SMC5: variants seen among roughly 807,000 people sequenced by gnomAD.
SMC5 encodes the protein structural maintenance of chromosomes protein 5.
In SMC5, 88 loss-of-function variants were observed where a neutral mutation model predicts 148.3. That is an observed-to-expected ratio of 0.59 (90% CI 0.50 to 0.71). The LOEUF (loss-of-function observed/expected upper bound fraction) is 0.71, where lower values mean the gene tolerates loss of function less well. Among genes scored for constraint, SMC5 ranks in the 30% least tolerant of loss-of-function variants. The pLI is 0.00. For synonymous variants in SMC5, 421 were observed against 432.8 expected, an observed-to-expected ratio of 0.97 and a Z score of 0.34; for missense variants, 1,142 against 1,298.9, an observed-to-expected ratio of 0.88 and a Z score of 1.86.
chr9:70,350,202 G>A lies in SMC5; in HGVS notation c.2978G>A (p.Gly993Glu). ...GAATTAACTCCTCATCATCAAAGTG[G>A]AGGTGAAAGAAGTGTTTCTACCATG... ...LHELTPHHQSGGERSVSTMLY... is the reference protein window; with the variant it reads ...LHELTPHHQSEGERSVSTMLY... Residue 993 changes from glycine (G) to glutamate (E), a missense_variant, in exon 23 of 25, where the codon GGA becomes GAA. This residue lies in a region of SMC5 where 743 missense variants were observed against 835.7 expected (regional missense o/e 0.89). Transcript: ENST00000361138. 6.2e-7 allele frequency: 1 copy of A among 1,613,608 alleles called. No individual in the cohort carries two copies.
chr9:70,280,346 A>G (rs1220956214), intron 5 of SMC5, among the ~76,000 whole-genome samples: 1 of 152,172 alleles, frequency 6.6e-6, no homozygotes, highest in African/African-American at 2.4e-5. Flanking sequence ...ATGAGTGTTC[A>G]TTTAACATCC....
chr9:70,290,146 T>C (rs1308656012), intron 8 of SMC5, among the ~76,000 whole-genome samples: 1 of 152,176 alleles, frequency 6.6e-6, no homozygotes, highest in East Asian at 1.9e-4. Flanking sequence ...AGCCTGTGTT[T>C]AGATATAATG....
chr9:70,347,064 A>T lies in SMC5; in HGVS notation c.2569-2A>T. 2 of 1,610,056 alleles carry T rather than the reference A, an allele frequency of 1.2e-6. No individual in the cohort carries two copies. Among genetic ancestry groups the T allele is most frequent in the South Asian group, 1.1e-5 (1 of 90,452 alleles). ...TATAATGACGGGCAATTTTTTTCTT[A>T]GGTTTTCCAAGACCTTCCAAACACA... On this transcript the variant is annotated splice_acceptor_variant, in intron 19 of 24. Transcript: ENST00000361138. LOFTEE classifies it high-confidence loss of function.
At chr9:70,306,581 A>T (rs1450878907) in intron 11 of SMC5, among the ~76,000 whole-genome samples, 1 of 152,222 alleles carries the variant, frequency 6.6e-6, no homozygotes, top group Non-Finnish European at 1.5e-5. Context: ...GTCTTTTAAG[A>T]CATGATACAT....
chr9:70,314,094 T>C (rs2035731405), intron 11 of SMC5, among the ~76,000 whole-genome samples: 1 of 152,168 alleles, frequency 6.6e-6, no homozygotes, highest in African/African-American at 2.4e-5. Flanking sequence ...TATGCAGATT[T>C]TGAGGCTTCT....
At chr9:70,320,802 T>G (rs925504239) in intron 15 of SMC5, among the ~76,000 whole-genome samples, 3 of 152,206 alleles carry the variant, frequency 2.0e-5, no homozygotes, top group African/African-American at 7.2e-5. Flanking sequence ...ATTTTACTGC[T>G]TCATCAAGGA....
At position 70,279,821 on chromosome 9, in the gene SMC5, A is replaced by C. The variant is rs1171861075; in HGVS notation, c.679-938A>C. On this transcript the variant is annotated intron_variant, in intron 5 of 24. Transcript: ENST00000361138. ...AACAAGAGCAAAACTCCGTTTCAAA[A>C]AAAAAAAAAAAAAAAAAGGAAATCT... Among the ~76,000 whole-genome samples, 7 of 149,934 alleles carry C rather than the reference A, an allele frequency of 4.7e-5. No individual in the cohort carries two copies. In the South Asian group the frequency reaches 1.5e-3, roughly 32 times the overall value.
chr9:70,283,320 G>A (rs558162190), intron 7 of SMC5, among the ~76,000 whole-genome samples: 83 of 152,104 alleles, frequency 5.5e-4, no homozygotes, highest in Non-Finnish European at 1.0e-3. Context: ...AAAAAACTTA[G>A]CCAGGCATGG....
At chr9:70,323,360 C>G (rs2035995837) in intron 15 of SMC5, 123 bp from the exon 16 acceptor site, 1 of 882,050 alleles carries the variant, frequency 1.1e-6, no homozygotes, top group African/African-American at 1.7e-5. Context: ...CGGTTATGGG[C>G]CAGGCACTAT....
At chr9:70,331,115 A>G (rs908941644) in intron 17 of SMC5, among the ~76,000 whole-genome samples, 2 of 152,222 alleles carry the variant, frequency 1.3e-5, no homozygotes, top group Admixed American at 1.3e-4. Flanking sequence ...TTAGGTTCAC[A>G]TACCCAAGCT....
At chr9:70,298,566 G>A (rs1203274008) in intron 9 of SMC5, among the ~76,000 whole-genome samples, 1 of 151,968 alleles carries the variant, frequency 6.6e-6, no homozygotes, top group African/African-American at 2.4e-5. Flanking sequence ...TTAGTTCCTT[G>A]AAACCTGTCC....
rs768258324 is a variant in SMC5 at position 70,298,110 on chromosome 9, A to T, written c.1198A>T (p.Ile400Phe). The T allele has an allele frequency of 6.2e-7, 1 of 1,614,106 alleles. No homozygotes were observed. Among genetic ancestry groups the T allele is most frequent in the African/African-American group, 1.3e-5 (1 of 75,054 alleles). ...TENCENLQPQ[I>F]DAITNDLRRI... ...AAACTGCGAGAATCTTCAGCCCCAG[A>T]TTGATGCCATTACAAATGATCTGAG... The change falls in exon 9 of 25, where the codon ATT becomes TTT. Residue 400 changes from isoleucine to phenylalanine, a missense_variant. Around this residue, in one of 5 missense-constraint regions of SMC5, gnomAD observed 743 missense variants for 835.7 expected, o/e 0.89. Transcript: ENST00000361138.
In SMC5 at chr9:70,347,654, G is replaced by C. The variant is rs767335393; in HGVS notation, c.2706G>C (p.Gln902His). The C allele has an allele frequency of 6.9e-6, 11 of 1,585,934 alleles. No individual in the cohort carries two copies. Among genetic ancestry groups the C allele is most frequent in the African/African-American group, 1.4e-5 (1 of 73,372 alleles). Residue 902 changes from glutamine to histidine, a missense_variant, in exon 21 of 25, where the codon CAG becomes CAC. Gln to His is a conservative substitution (Grantham distance 24, BLOSUM62 0). This residue lies in a region of SMC5 where 743 missense variants were observed against 835.7 expected (regional missense o/e 0.89). Transcript: ENST00000361138. Reference sequence around the variant, plus strand: ...CAAAAAGAGAAGAAGAAATAGAACAGTTAACTGAGGAACTAAAGGGAAAGA... The same window carrying C: ...CAAAAAGAGAAGAAGAAATAGAACACTTAACTGAGGAACTAAAGGGAAAGA... Reference protein sequence around the residue: ...EYTKREEEIEQLTEELKGKKV... With the variant: ...EYTKREEEIEHLTEELKGKKV...
intron 2 of SMC5, 22 bp from the exon 3 acceptor site, chr9:70,267,901 C>G (rs1028096678): frequency 2.5e-6 from 4 of 1,601,376 alleles, no homozygotes; most frequent in African/African-American, 1.3e-5. Flanking sequence ...ACACAGCTCA[C>G]TTTTTCTTTT....
At chr9:70,299,664 C>T (rs530554034) in intron 9 of SMC5, among the ~76,000 whole-genome samples, 1 of 151,886 alleles carries the variant, frequency 6.6e-6, no homozygotes, top group African/African-American at 2.4e-5. Flanking sequence ...TCATCCCCCC[C>T]CCTTTTTTAG....
At chr9:70,278,443 TA>T (rs2034655384) in intron 4 of SMC5, 47 bp from the exon 5 acceptor site, 3 of 1,565,122 alleles carry the variant, frequency 1.9e-6, no homozygotes, top group Non-Finnish European at 2.6e-6. Flanking sequence ...ATTTTGAAGA[TA>T]TATGTAAATG....
intron 22 of SMC5, 26 bp downstream of exon 22, chr9:70,348,064 T>C: frequency 6.6e-7 from 1 of 1,516,332 alleles, no homozygotes; most frequent in Non-Finnish European, 8.8e-7. Context: ...AAATAAATAA[T>C]ATTTCTGGCA....
intron 8 of SMC5, among the ~76,000 whole-genome samples, chr9:70,286,570 G>GATTT (rs1252897169): frequency 6.6e-6 from 1 of 152,078 alleles, no homozygotes; most frequent in African/African-American, 2.4e-5. Context: ...AGGTCTAAGG[G>GATTT]ATTTATTCTG....
chr9:70,316,459 T>C (rs1225311049), intron 13 of SMC5, among the ~76,000 whole-genome samples: 1 of 138,826 alleles, frequency 7.2e-6, no homozygotes, highest in East Asian at 1.9e-4. Flanking sequence ...TACTTAACAG[T>C]AACTTGATTA....
Sources: gnomAD v4.1 joint callset for allele counts (sites outside exome capture counted in the v4.1 genomes callset) on GRCh38, gnomAD v4.1.1 for gene constraint, gnomAD v4.1.1 regional missense constraint, MANE v1.5 for transcripts, NCBI Gene and HGNC (gene_info 2026-07-23, HGNC 2026-07-21) for gene names.